Variants in TRPM6 observed in about 807,000 individuals in gnomAD.
The protein encoded by TRPM6 is transient receptor potential cation channel subfamily M member 6.
A neutral mutation model predicts 247.6 loss-of-function variants in TRPM6; 111 were observed. That is an observed-to-expected ratio of 0.45 (90% CI 0.38 to 0.52). The LOEUF (loss-of-function observed/expected upper bound fraction) is 0.52, where lower values mean the gene tolerates loss of function less well. Ranked by LOEUF, TRPM6 falls within the 20% of genes least tolerant of loss-of-function variation. The pLI, the probability that TRPM6 is intolerant of heterozygous loss-of-function variation, is 0.00. For synonymous variants in TRPM6, 892 were observed against 853.8 expected (o/e 1.04, Z -0.78); for missense variants, 2,126 against 2,421.5 (o/e 0.88, Z 2.56).
chr9:74,825,785 G>A (rs541387534), intron 7 of TRPM6, among the ~76,000 whole-genome samples: 1 of 152,132 alleles, frequency 6.6e-6, no homozygotes, highest in African/African-American at 2.4e-5. Flanking sequence ...TAGGTGGTGG[G>A]CAAAGGTCAA....
chr9:74,825,458 CGTGT>C (rs5898381), intron 7 of TRPM6, among the ~76,000 whole-genome samples: 81,743 of 148,452 alleles, frequency 0.55, 22,469 homozygotes, highest in East Asian at 0.78. Flanking sequence ...CTCTTTCTTC[CGTGT>C]GTGTGTGTGT....
intron 3 of TRPM6, among the ~76,000 whole-genome samples, chr9:74,853,027 C>A (rs557378616): frequency 1.3e-5 from 2 of 150,586 alleles, no homozygotes; most frequent in East Asian, 2.0e-4. Flanking sequence ...CCCGGCCCCC[C>A]GTCGTCTGAG....
chr9:74,816,480 A>C lies in TRPM6; in HGVS notation c.1308+189T>G, dbSNP rs913849837. Among the ~76,000 whole-genome samples the C allele has an allele frequency of 4.4e-3, 660 of 151,488 alleles. 7 individuals are homozygous for C. The highest frequency in any genetic ancestry group is 0.01 in the Middle Eastern group (3 of 294). On this transcript the variant is annotated intron_variant, in intron 11 of 38. Transcript: ENST00000360774. ...GCAGAGCCAGGAAAAAAAAAAAAAA[A>C]AAAAAAAAACAGATGGTTTTCAGGA... is the stretch of plus-strand genomic sequence containing the variant.
intron 1 of TRPM6, among the ~76,000 whole-genome samples, chr9:74,877,825 C>A (rs1698843194): frequency 6.6e-6 from 1 of 152,132 alleles, no homozygotes. Flanking sequence ...AGCAGCAGGG[C>A]CACAATGCAG....
chr9:74,849,254 C>T (rs1378058558), intron 3 of TRPM6, among the ~76,000 whole-genome samples: 9 of 149,158 alleles, frequency 6.0e-5, no homozygotes, highest in Middle Eastern at 3.4e-3. Flanking sequence ...GGGAGGCTAA[C>T]ACAGGAGAAT....
chr9:74,749,385 A>C (rs984764151), intron 30 of TRPM6, among the ~76,000 whole-genome samples: 2 of 152,228 alleles, frequency 1.3e-5, no homozygotes, highest in African/African-American at 2.4e-5. Flanking sequence ...ATCCTAAGCT[A>C]ATTGAAAAGC....
chr9:74,834,165 C>T (rs1418732765), intron 5 of TRPM6, 43 bp from the exon 6 acceptor site: 8 of 1,612,324 alleles, frequency 5.0e-6, no homozygotes, highest in East Asian at 2.2e-5. Flanking sequence ...ATTCACAAAT[C>T]GTGCAAAACA....
intron 3 of TRPM6, among the ~76,000 whole-genome samples, chr9:74,851,113 T>C (rs1161669881): frequency 1.3e-5 from 2 of 150,866 alleles, no homozygotes; most frequent in Non-Finnish European, 3.0e-5. Context: ...TCTTTTTTTT[T>C]CTAGTTCATT....
intron 19 of TRPM6, 38 bp from the exon 20 acceptor site, chr9:74,788,780 A>G (rs1827787530): frequency 1.2e-6 from 2 of 1,610,894 alleles, no homozygotes; most frequent in Non-Finnish European, 1.7e-6. Context: ...TGTGAGTGAG[A>G]GCAAGCATGG....
intron 11 of TRPM6, among the ~76,000 whole-genome samples, chr9:74,812,880 AC>A (rs982679436): frequency 6.6e-6 from 1 of 152,142 alleles, no homozygotes; most frequent in Non-Finnish European, 1.5e-5. Context: ...ACAGGGCAAG[AC>A]CCTGTCTTGA....
chr9:74,767,364 G>A (rs2118863874), intron 25 of TRPM6, among the ~76,000 whole-genome samples: 1 of 152,330 alleles, frequency 6.6e-6, no homozygotes, highest in African/African-American at 2.4e-5. Flanking sequence ...AGAAGTTAGA[G>A]TCCCAAATAG....
At position 74,833,986 on chromosome 9, in the gene TRPM6, T is replaced by C. The variant is rs372859410; in HGVS notation, c.669+12A>G. The stretch of plus-strand genomic sequence containing the variant: ...TTCGTTTGCTTTTGTTATGAAAGGA[T>C]TGTCTACTTACATCTTTTCCAATAA... On this transcript the variant is annotated intron_variant, in intron 6 of 38. Coordinates refer to ENST00000360774, the MANE Select transcript of TRPM6 (RefSeq NM_017662.5). 3.7e-6 allele frequency: 6 copies of C among 1,613,752 alleles called. No homozygotes were observed. The highest frequency in any genetic ancestry group is 2.2e-5 in the East Asian group (1 of 44,878).
Position 74,747,414 on chromosome 9 carries a change from T to C in TRPM6, c.5083+475A>G, listed in dbSNP as rs115334227. Among the ~76,000 whole-genome samples, 1,184 of 152,228 alleles carry C rather than the reference T, an allele frequency of 7.8e-3. 11 individuals carry two copies. Among genetic ancestry groups the C allele is most frequent in the African/African-American group, 0.027 (1,133 of 41,536 alleles). ...AGGAGTCAAGAATATGGAAAGGAGTTTGTAAATTGTAGTCAAGTTTGAGAG... is the reference window on the plus strand; with the variant it reads ...AGGAGTCAAGAATATGGAAAGGAGTCTGTAAATTGTAGTCAAGTTTGAGAG... On this transcript the variant is annotated intron_variant, in intron 31 of 38. Transcript: ENST00000360774.
intron 1 of TRPM6, among the ~76,000 whole-genome samples, chr9:74,866,712 C>T (rs1170317262): frequency 1.3e-5 from 2 of 152,114 alleles, no homozygotes; most frequent in African/African-American, 4.8e-5. Flanking sequence ...AACTCCTGAC[C>T]TCAGGTGATA....
Position 74,734,147 on chromosome 9 carries a change from C to T in TRPM6, c.5777-1411G>A, listed in dbSNP as rs1825617956. Among the ~76,000 whole-genome samples the T allele has an allele frequency of 2.6e-5, 4 of 152,180 alleles. No individual in the cohort carries two copies. The South Asian group carries it at 8.3e-4, about 32-fold the overall frequency. On this transcript the variant is annotated intron_variant, in intron 36 of 38. Transcript: ENST00000360774. Reference sequence around the variant, plus strand: ...TTATAAAATACAAGTGGTGAGGAGGCTGATTTCCACTGATGGAAATGTTCC... The same window carrying T: ...TTATAAAATACAAGTGGTGAGGAGGTTGATTTCCACTGATGGAAATGTTCC...
At chr9:74,841,007 C>T (rs1158954063) in intron 4 of TRPM6, among the ~76,000 whole-genome samples, 1 of 152,006 alleles carries the variant, frequency 6.6e-6, no homozygotes, top group Non-Finnish European at 1.5e-5. Context: ...CACAGATTTG[C>T]ATAATTTAAA....
chr9:74,811,281 A>T (rs1828719612), intron 12 of TRPM6, among the ~76,000 whole-genome samples: 1 of 152,210 alleles, frequency 6.6e-6, no homozygotes, highest in Non-Finnish European at 1.5e-5. Flanking sequence ...AATAATAGAA[A>T]AGAGTGGCTA....
At chr9:74,801,781 T>TA (rs1422718854) in intron 16 of TRPM6, 117 bp downstream of exon 16, 2 of 1,309,618 alleles carry the variant, frequency 1.5e-6, no homozygotes, top group East Asian at 4.7e-5. Context: ...GGAGAGTCCA[T>TA]AAAATGCATG....
At chr9:74,824,353 T>C (rs1345608145) in intron 7 of TRPM6, among the ~76,000 whole-genome samples, 2 of 151,680 alleles carry the variant, frequency 1.3e-5, no homozygotes, top group Admixed American at 6.6e-5. Flanking sequence ...GGTTTCACCA[T>C]GTTGGCCAGG....
Sources: allele counts gnomAD v4.1 joint callset (sites outside exome capture counted in the v4.1 genomes callset), GRCh38; gene constraint gnomAD v4.1.1; transcripts MANE v1.5; gene names NCBI Gene and HGNC (gene_info 2026-07-23, HGNC 2026-07-21).